The following NTNG1 variants were observed in gnomAD, a reference collection of about 807,000 sequenced individuals.
NTNG1 encodes netrin-G1.
NTNG1 carries 16 observed loss-of-function variants against 54.0 expected under a neutral mutation model. That is an observed-to-expected ratio of 0.30 (90% CI 0.20 to 0.45). The LOEUF (loss-of-function observed/expected upper bound fraction) is 0.45. Among genes scored for constraint, NTNG1 ranks in the 20% least tolerant of loss-of-function variants. The pLI is 1.00. For synonymous variants in NTNG1, 255 were observed against 263.1 expected (o/e 0.97, Z 0.30); for missense variants, 530 against 678.7 (o/e 0.78, Z 2.43).
chr1:107,371,259 A>G (rs1337827225), intron 3 of NTNG1, among the ~76,000 whole-genome samples: 1 of 152,046 alleles, frequency 6.6e-6, no homozygotes, highest in African/African-American at 2.4e-5. Context: ...ATGGTGAATT[A>G]CATTAATTCA....
chr1:107,450,702 A>G (rs180876020), intron 7 of NTNG1, among the ~76,000 whole-genome samples: 4 of 152,292 alleles, frequency 2.6e-5, no homozygotes, highest in Non-Finnish European at 4.4e-5. Flanking sequence ...TTTGTCCAAA[A>G]TCAATGCCAT....
At chr1:107,425,206 C>G (rs557239412) in intron 5 of NTNG1, among the ~76,000 whole-genome samples, 1 of 152,072 alleles carries the variant, frequency 6.6e-6, no homozygotes, top group South Asian at 2.1e-4. Context: ...AAATTAGATT[C>G]AGGGGGTACA....
chr1:107,470,738 GTC>G (rs1173272295), intron 7 of NTNG1, among the ~76,000 whole-genome samples: 3 of 152,192 alleles, frequency 2.0e-5, no homozygotes, highest in Non-Finnish European at 1.5e-5. Flanking sequence ...TGATGAGAAA[GTC>G]TGTGACTTCT....
At chr1:107,292,183 C>T (rs1053741429) in intron 2 of NTNG1, among the ~76,000 whole-genome samples, 13 of 152,136 alleles carry the variant, frequency 8.5e-5, no homozygotes, top group African/African-American at 2.7e-4. Context: ...ATAAGTGTGA[C>T]CTTTCTAGCA....
chr1:107,326,950 G>A (rs886209893), intron 3 of NTNG1, among the ~76,000 whole-genome samples: 1 of 152,176 alleles, frequency 6.6e-6, no homozygotes, highest in African/African-American at 2.4e-5. Context: ...TGTTGGAAAT[G>A]TAGATTCCTT....
chr1:107,148,782 G>C lies in NTNG1; in HGVS notation c.189G>C (p.Val63=), dbSNP rs1654333457. 6.2e-7 allele frequency: 1 copy of C among 1,613,620 alleles called. No individual in the cohort carries two copies. The highest frequency in any genetic ancestry group is 1.3e-5 in the African/African-American group (1 of 74,902). The change falls in exon 2 of 8, where the codon GTG becomes GTC. Residue 63 remains valine (V), a synonymous_variant. Transcript: ENST00000370068. ...ESTDMTKYLK[V]KLDPPDITCG... ...CGGACATGACAAAATATCTGAAAGT[G>C]AAACTCGATCCTCCGGATATTACCT...
chr1:107,404,447 A>G (rs1339482718), intron 4 of NTNG1, among the ~76,000 whole-genome samples: 1 of 152,202 alleles, frequency 6.6e-6, no homozygotes, highest in Admixed American at 6.6e-5. Context: ...AATATTAACA[A>G]TTAATATCCA....
chr1:107,430,238 A>G (rs1484169391), intron 5 of NTNG1, among the ~76,000 whole-genome samples: 1 of 152,116 alleles, frequency 6.6e-6, no homozygotes, highest in African/African-American at 2.4e-5. Context: ...TAAATTTGCC[A>G]TGATGTATAT....
intron 7 of NTNG1, among the ~76,000 whole-genome samples, chr1:107,444,918 C>A (rs1676214537): frequency 6.6e-6 from 1 of 152,010 alleles, no homozygotes; most frequent in Non-Finnish European, 1.5e-5. Context: ...TTGGGCCATT[C>A]TTTACACACT....
chr1:107,476,225 C>T (rs96501), intron 7 of NTNG1, among the ~76,000 whole-genome samples: 110,669 of 152,038 alleles, frequency 0.73, 42,116 homozygotes, highest in East Asian at 0.89. Flanking sequence ...TTCTCAGCAT[C>T]CTTTATGGTC....
chr1:107,417,300 G>C (rs548569021), intron 5 of NTNG1, among the ~76,000 whole-genome samples: 21 of 152,032 alleles, frequency 1.4e-4, no homozygotes, highest in Admixed American at 2.0e-4. Flanking sequence ...CAGCGAAAGA[G>C]AGCAACATTT....
In NTNG1 at chr1:107,337,467, AAAG is replaced by A. The variant is rs1668653175; in HGVS notation, c.887+12550_887+12552del. Among the ~76,000 whole-genome samples, 12 of 152,158 alleles carry A rather than the reference AAAG, an allele frequency of 7.9e-5. No homozygotes were observed. The South Asian group carries it at 2.5e-3, about 32-fold the overall frequency. On this transcript the variant is annotated intron_variant, in intron 3 of 7. Transcript: ENST00000370068. ...CTGCCAGGGGCTGGGGGCAGATGAA[AAAG>A]AAGATTCATTTGTAATGAGCACAAA...
At chr1:107,236,307 G>A (rs1661409489) in intron 2 of NTNG1, among the ~76,000 whole-genome samples, 2 of 152,154 alleles carry the variant, frequency 1.3e-5, no homozygotes, top group Non-Finnish European at 1.5e-5. Context: ...ATCCATCAAA[G>A]TTATCCTTCA....
At chr1:107,228,914 C>T (rs752225135) in intron 2 of NTNG1, among the ~76,000 whole-genome samples, 7 of 152,100 alleles carry the variant, frequency 4.6e-5, no homozygotes, top group Non-Finnish European at 8.8e-5. Flanking sequence ...CATTGCTCCC[C>T]GCAGTGCATT....
intron 2 of NTNG1, among the ~76,000 whole-genome samples, chr1:107,195,390 T>C (rs1421422761): frequency 1.3e-5 from 2 of 152,034 alleles, no homozygotes; most frequent in Non-Finnish European, 2.9e-5. Flanking sequence ...TTGGTTGCCT[T>C]ACTCCTGCCT....
rs762338573 is a variant in NTNG1, at chr1:107,436,845, A to G, written c.1390+46A>G. On this transcript the variant is annotated intron_variant, in intron 7 of 7. Coordinates refer to ENST00000370068, the MANE Select transcript of NTNG1 (RefSeq NM_001113226.3). Reference sequence around the variant, plus strand: ...CCCTCTGCCTGCTGCAGCATGGCTGATTTCTGCTTGGCTAGGCCGGTGCGT... The same window carrying G: ...CCCTCTGCCTGCTGCAGCATGGCTGGTTTCTGCTTGGCTAGGCCGGTGCGT... 21 of 1,595,526 alleles carry G rather than the reference A, an allele frequency of 1.3e-5. No individual in the cohort carries two copies. The South Asian group carries it at 2.3e-4, about 18-fold the overall frequency.
At chr1:107,419,125 A>C (rs915291711) in intron 5 of NTNG1, among the ~76,000 whole-genome samples, 1 of 151,240 alleles carries the variant, frequency 6.6e-6, no homozygotes, top group Non-Finnish European at 1.5e-5. Flanking sequence ...ATTTGGAGCA[A>C]TCTGTCTCTT....
chr1:107,453,181 A>G (rs1390435553), intron 7 of NTNG1, among the ~76,000 whole-genome samples: 2 of 152,202 alleles, frequency 1.3e-5, no homozygotes, highest in African/African-American at 4.8e-5. Context: ...CTGACTTCAA[A>G]TTAGAATTTT....
At chr1:107,460,281 A>G (rs990402755) in intron 7 of NTNG1, 2 of 460,208 alleles carry the variant, frequency 4.3e-6, no homozygotes, top group Non-Finnish European at 8.7e-6. Context: ...TCATGAGCGC[A>G]CTCCCAGGTC....
Sources: allele counts gnomAD v4.1 joint callset (sites outside exome capture counted in the v4.1 genomes callset), GRCh38; gene constraint gnomAD v4.1.1; transcripts MANE v1.5; gene names NCBI Gene and HGNC (gene_info 2026-07-23, HGNC 2026-07-21).